Variants in WWTR1 observed in about 807,000 individuals in gnomAD.
The protein encoded by WWTR1 is WW domain-containing transcription regulator protein 1.
In WWTR1, 13 loss-of-function variants were observed where a neutral mutation model predicts 40.1. The ratio of observed to expected loss-of-function variants is 0.32; its 90% CI spans 0.21 to 0.52. The LOEUF is 0.52. Among genes scored for constraint, WWTR1 ranks in the 20% least tolerant of loss-of-function variants. The pLI is 0.97. For synonymous variants in WWTR1, 230 were observed against 210.1 expected (o/e 1.09, Z -0.82); for missense variants, 436 against 523.1 (o/e 0.83, Z 1.63).
At chr3:149,640,603 T>C (rs1015580509) in intron 2 of WWTR1, among the ~76,000 whole-genome samples, 1 of 152,018 alleles carries the variant, frequency 6.6e-6, no homozygotes, top group Non-Finnish European at 1.5e-5. Context: ...GTATTTTTAG[T>C]AGAGACAGGG....
intron 2 of WWTR1, among the ~76,000 whole-genome samples, chr3:149,626,137 A>T (rs1740534572): frequency 6.6e-6 from 1 of 152,172 alleles, no homozygotes; most frequent in South Asian, 2.1e-4. Flanking sequence ...TGGCTTTCTG[A>T]ATCAAATCAA....
chr3:149,688,375 A>G (rs945274258), intron 1 of WWTR1, among the ~76,000 whole-genome samples: 1 of 152,198 alleles, frequency 6.6e-6, no homozygotes, highest in Non-Finnish European at 1.5e-5. Context: ...AGTCCCAGCA[A>G]TGGTGGCCAC....
At chr3:149,606,820 C>G (rs954703341) in intron 2 of WWTR1, among the ~76,000 whole-genome samples, 1 of 152,170 alleles carries the variant, frequency 6.6e-6, no homozygotes, top group African/African-American at 2.4e-5. Context: ...CAGGAATTAA[C>G]TAGATGATAA....
At chr3:149,559,293 CAAAAA>C (rs57470539) in intron 3 of WWTR1, among the ~76,000 whole-genome samples, 2 of 58,106 alleles carry the variant, frequency 3.4e-5, no homozygotes, top group African/African-American at 6.6e-5. Context: ...GACTCCATCT[CAAAAA>C]AAAAAAAAAA....
intron 5 of WWTR1, among the ~76,000 whole-genome samples, chr3:149,711,928 T>C (rs1715486667): frequency 6.6e-6 from 1 of 152,228 alleles, no homozygotes; most frequent in South Asian, 2.1e-4. Context: ...CTTTTTTATT[T>C]ATTGTTACTT....
rs573596868 is a variant in WWTR1 at position 149,517,893 on chromosome 3, A to G, written c.*2912T>C. On this transcript the variant is annotated 3_prime_UTR_variant, in exon 7 of 7. Coordinates refer to ENST00000360632, the MANE Select transcript of WWTR1 (RefSeq NM_015472.6). ...CATTTGATACGCCTTTTCTGTGACA[A>G]AATTTTGGGGTGAAATGATGATGTT... 2 of 152,272 alleles carry G rather than the reference A, an allele frequency of 1.3e-5. No individual in the cohort carries two copies. The highest frequency in any genetic ancestry group is 3.9e-4 in the East Asian group (2 of 5,190). 9.4% of individuals were successfully genotyped at this position (152,272 alleles called of 1,614,324 possible).
At chr3:149,596,092 C>T (rs557574291) in intron 2 of WWTR1, among the ~76,000 whole-genome samples, 17 of 152,190 alleles carry the variant, frequency 1.1e-4, no homozygotes, top group African/African-American at 2.9e-4. Flanking sequence ...CTGGTATTGT[C>T]TTGGGAGACA....
intron 2 of WWTR1, among the ~76,000 whole-genome samples, chr3:149,668,318 G>A (rs12494839): frequency 0.2 from 30,047 of 151,766 alleles, 3,193 homozygotes; most frequent in Admixed American, 0.3. Context: ...AGATTTTTGG[G>A]GCTGTCAAGA....
intron 5 of WWTR1, among the ~76,000 whole-genome samples, chr3:149,527,159 T>C (rs907491265): frequency 8.2e-5 from 3 of 36,630 alleles, no homozygotes; most frequent in Non-Finnish European, 2.9e-4. Context: ...TTTTCTTTCT[T>C]TTTTTTTTTT....
chr3:149,664,667 C>T (rs1345881992), intron 2 of WWTR1, among the ~76,000 whole-genome samples: 1 of 151,850 alleles, frequency 6.6e-6, no homozygotes, highest in African/African-American at 2.4e-5. Context: ...CGGCTCACCG[C>T]AACCTCCACC....
At chr3:149,693,590 G>A (rs139897615) in intron 1 of WWTR1, among the ~76,000 whole-genome samples, 197 of 152,258 alleles carry the variant, frequency 1.3e-3, no homozygotes, top group Middle Eastern at 3.4e-3. Flanking sequence ...ATATCACAGA[G>A]CTATAGTAAC....
chr3:149,618,014 T>C (rs531227427), intron 2 of WWTR1, among the ~76,000 whole-genome samples: 2 of 152,318 alleles, frequency 1.3e-5, no homozygotes, highest in African/African-American at 4.8e-5. Flanking sequence ...ATACAAATGA[T>C]AGACTATGGG....
chr3:149,657,251 TG>T lies in WWTR1; in HGVS notation c.55del (p.His19ThrfsTer6). 1 of 1,613,328 alleles carries T rather than the reference TG, an allele frequency of 6.2e-7. No homozygotes were observed. Among genetic ancestry groups the T allele is most frequent in the Non-Finnish European group, 8.5e-7 (1 of 1,179,744 alleles). ...GTCTGTGTCTAGGTCCTGCGTGACG[TG>T]GATCACTTGCTGCCCAGGCGGCGGG... ...PLPPPGQQVI[H>X]VTQDLDTDLE... On this transcript the variant is annotated frameshift_variant, in exon 2 of 7. Coordinates refer to ENST00000360632, the MANE Select transcript of WWTR1 (RefSeq NM_015472.6). LOFTEE classifies it high-confidence loss of function.
chr3:149,645,805 T>A (rs375748967), intron 2 of WWTR1, among the ~76,000 whole-genome samples: 33 of 152,266 alleles, frequency 2.2e-4, no homozygotes, highest in African/African-American at 4.6e-4. Context: ...ATTTTTTTTT[T>A]AAATAAACAA....
At chr3:149,562,292 C>T (rs1164222902) in intron 3 of WWTR1, among the ~76,000 whole-genome samples, 15 of 137,522 alleles carry the variant, frequency 1.1e-4, no homozygotes, top group Admixed American at 8.4e-4. Context: ...GAGATTCTGT[C>T]TCAAAAAAAA....
chr3:149,691,237 C>T (rs1171534751), intron 1 of WWTR1, among the ~76,000 whole-genome samples: 1 of 151,838 alleles, frequency 6.6e-6, no homozygotes, highest in African/African-American at 2.4e-5. Flanking sequence ...AAATAAACAA[C>T]TTAATGATGC....
At chr3:149,635,728 CCTT>C (rs886296861) in intron 2 of WWTR1, among the ~76,000 whole-genome samples, 14 of 152,260 alleles carry the variant, frequency 9.2e-5, no homozygotes, top group Admixed American at 6.5e-4. Context: ...AATGGGCTCT[CCTT>C]CTGGGGAGAT....
chr3:149,664,009 T>C (rs962595055), intron 2 of WWTR1, among the ~76,000 whole-genome samples: 1 of 152,368 alleles, frequency 6.6e-6, no homozygotes, highest in Admixed American at 6.5e-5. Context: ...GCCCCTGCTA[T>C]TCATCTGCCA....
rs766210047 is a variant in WWTR1 at position 149,657,040 on chromosome 3, C to T, written c.267G>A (p.Ser89=). 19 of 1,579,136 alleles carry T rather than the reference C, an allele frequency of 1.2e-5. No homozygotes were observed. The highest frequency in any genetic ancestry group is 1.7e-4 in the Middle Eastern group (1 of 5,934). The change falls in exon 2 of 7, where the codon TCG becomes TCA. Residue 89 remains serine (S), a synonymous_variant. Transcript: ENST00000360632. ...TGCCCAGCTGCAGGGACGCGGGCGA[C>T]GAGTGCGAGCGGACATGCTGGGCAC... ...AGGAQHVRSH[S]SPASLQLGTG...
Sources: gnomAD v4.1 joint callset for allele counts (sites outside exome capture counted in the v4.1 genomes callset) on GRCh38, gnomAD v4.1.1 for gene constraint, MANE v1.5 for transcripts, NCBI Gene and HGNC (gene_info 2026-07-23, HGNC 2026-07-21) for gene names.